RHOC: variants seen among roughly 807,000 people sequenced by gnomAD.
RHOC encodes the protein rho-related GTP-binding protein RhoC.
In RHOC, 13 loss-of-function variants were observed where a neutral mutation model predicts 19.5. The ratio of observed to expected loss-of-function variants is 0.67; its 90% CI spans 0.43 to 1.06. The LOEUF (loss-of-function observed/expected upper bound fraction) is 1.06, where lower values mean the gene tolerates loss of function less well. Ranked by LOEUF, RHOC falls within the 50% of genes least tolerant of loss-of-function variation. RHOC has a pLI of 0.00. For synonymous variants in RHOC, 106 were observed against 97.3 expected (o/e 1.09, Z -0.52); for missense variants, 173 against 256.9 (o/e 0.67, Z 2.23).
At chr1:112,705,217 AAAG>A (rs1214436923) in intron 1 of RHOC, 49 bp from the exon 2 acceptor site, 2 of 701,800 alleles carry the variant, frequency 2.8e-6, no homozygotes, top group Non-Finnish European at 5.2e-6. Flanking sequence ...AGGAGCCCCA[AAAG>A]AAGAGACAAA....
At chr1:112,704,150 C>G (rs1313262036) in intron 2 of RHOC, 2 of 248,996 alleles carry the variant, frequency 8.0e-6, no homozygotes, top group African/African-American at 4.4e-5. Context: ...GTCCAGGGAG[C>G]AAGCTTCTAT....
intron 5 of RHOC, 99 bp from the exon 6 acceptor site, chr1:112,701,812 CT>C: frequency 7.8e-7 from 1 of 1,287,006 alleles, no homozygotes; most frequent in South Asian, 1.3e-5. Flanking sequence ...ATGCCTCCTT[CT>C]CCAGCCCTGA....
chr1:112,703,212 C>T (rs1674717866), intron 3 of RHOC, 93 bp from the exon 4 acceptor site: 4 of 1,459,328 alleles, frequency 2.7e-6, no homozygotes, highest in East Asian at 2.4e-5. Flanking sequence ...GCTCACTGAA[C>T]TTCTTTATTT....
intron 2 of RHOC, 118 bp downstream of exon 2, chr1:112,704,982 T>G: frequency 3.1e-6 from 2 of 645,224 alleles, no homozygotes; most frequent in Non-Finnish European, 5.7e-6. Flanking sequence ...GGGCAAGGAG[T>G]CAGCTTCCCG....
intron 3 of RHOC, 180 bp downstream of exon 3, chr1:112,703,464 G>A (rs1674731393): frequency 1.3e-6 from 1 of 741,686 alleles, no homozygotes; most frequent in Non-Finnish European, 2.4e-6. Context: ...CAGTCTGTGG[G>A]AGAACCAGAA....
At chr1:112,703,945 C>T in intron 2 of RHOC, 139 bp from the exon 3 acceptor site, 1 of 729,410 alleles carries the variant, frequency 1.4e-6, no homozygotes, top group East Asian at 2.7e-5. Flanking sequence ...TCTGGCAAAA[C>T]ACCAATTGTG....
At chr1:112,706,467 CACACACACACACACACACACACACACACA>C (rs1674871871) in intron 1 of RHOC, among the ~76,000 whole-genome samples, 6 of 2,940 alleles carry the variant, frequency 2.0e-3, no homozygotes, top group Middle Eastern at 0.17. Flanking sequence ...ACACACACCA[CACACACACACACACACACACACACACACA>C]CACACACACA....
At chr1:112,703,395 T>C (rs1674728659) in intron 3 of RHOC, 1 of 715,488 alleles carries the variant, frequency 1.4e-6, no homozygotes, top group East Asian at 2.7e-5. Flanking sequence ...ATCATCCCCA[T>C]TTTGCAGGTG....
Position 112,701,582 on chromosome 1 carries a change from C to T in RHOC, c.540G>A (p.Gln180=), listed in dbSNP as rs775128679. ...VFEMATRAGL[Q]VRKNKRRRGC... ...CCCTCCGACGCTTGTTCTTGCGGAC[C>T]TGGAGGCCAGCCCGAGTGGCCATCT... Residue 180 remains glutamine, a synonymous_variant, in exon 6 of 6, where the codon CAG becomes CAA. Coordinates refer to ENST00000339083, the MANE Select transcript of RHOC (RefSeq NM_175744.5). The T allele has an allele frequency of 1.2e-6, 2 of 1,613,968 alleles. No individual in the cohort carries two copies. The highest frequency in any genetic ancestry group is 1.3e-5 in the African/African-American group (1 of 74,886).
chr1:112,706,743 G>C (rs1395097342), intron 1 of RHOC: 2 of 152,118 alleles, frequency 1.3e-5, no homozygotes, highest in Non-Finnish European at 2.9e-5. Flanking sequence ...CTGGGGGCTG[G>C]GGCGTCTGAG....
chr1:112,702,759 C>G (rs545987044), intron 4 of RHOC, 66 bp from the exon 5 acceptor site: 5 of 1,590,068 alleles, frequency 3.1e-6, no homozygotes, highest in Admixed American at 1.7e-5. Flanking sequence ...CCTGGGGGGG[C>G]CCTCATCTTC....
chr1:112,701,445 C>G lies in RHOC; in HGVS notation c.*95G>C. ...GCAGGAGGGAACTGAAAATGGGAGC[C>G]TTCAGCATGGAGCCCTCAGGAGGCT... On this transcript the variant is annotated 3_prime_UTR_variant, in exon 6 of 6. Coordinates refer to ENST00000339083, the MANE Select transcript of RHOC (RefSeq NM_175744.5). 6.2e-7 allele frequency: 1 copy of G among 1,612,170 alleles called. No homozygotes were observed.
chr1:112,705,727 C>T (rs570292043), intron 1 of RHOC: 9 of 453,516 alleles, frequency 2.0e-5, no homozygotes, highest in Admixed American at 9.4e-5. Context: ...CATTAGTTCA[C>T]CTTGCCCTGT....
At chr1:112,704,819 G>A (rs1188235554) in intron 2 of RHOC, 1 of 442,836 alleles carries the variant, frequency 2.3e-6, no homozygotes, top group Non-Finnish European at 4.1e-6. Context: ...CCCGGCAGGG[G>A]ACAATGACCA....
At chr1:112,707,290 G>A (rs1185265278), upstream of RHOC, 3 of 152,012 alleles carry the variant, frequency 2.0e-5, no homozygotes, top group African/African-American at 7.2e-5. Flanking sequence ...GGGGCCAGGG[G>A]CGTCCACCCC....
chr1:112,701,396 G>A lies in RHOC; in HGVS notation c.*144C>T. 10 of 1,560,340 alleles carry A rather than the reference G, an allele frequency of 6.4e-6. No individual in the cohort carries two copies. Among genetic ancestry groups the A allele is most frequent in the Non-Finnish European group, 8.7e-6 (10 of 1,151,946 alleles). ...GGGAGGGCCCGTGCCACCACCTCGG[G>A]GCTAGAAAACAATGCAGTCCTGGGC... is the stretch of plus-strand genomic sequence containing the variant. On this transcript the variant is annotated 3_prime_UTR_variant, in exon 6 of 6. Coordinates refer to ENST00000339083, the MANE Select transcript of RHOC (RefSeq NM_175744.5).
chr1:112,703,843 C>A, intron 2 of RHOC, 37 bp from the exon 3 acceptor site: 1 of 1,579,372 alleles, frequency 6.3e-7, no homozygotes, highest in Non-Finnish European at 8.6e-7. Context: ...TGAGGAAAAG[C>A]CATTAAGTCC....
chr1:112,702,422 C>A (rs1570829273), intron 5 of RHOC, 141 bp downstream of exon 5: 2 of 868,266 alleles, frequency 2.3e-6, no homozygotes, highest in East Asian at 5.1e-5. Flanking sequence ...AGACACAACC[C>A]TATGGGTCCT....
chr1:112,701,592 G>GCCCGAGTGGCCATCTCAAACACCT lies in RHOC; in HGVS notation c.506_529dup (p.Glu169_Arg176dup). On this transcript the variant is annotated inframe_insertion, in exon 6 of 6. Coordinates refer to ENST00000339083, the MANE Select transcript of RHOC (RefSeq NM_175744.5). ...CTTGTTCTTGCGGACCTGGAGGCCAGCCCGAGTGGCCATCTCAAACACCTC... is the reference window on the plus strand; with the variant it reads ...CTTGTTCTTGCGGACCTGGAGGCCAGCCCGAGTGGCCATCTCAAACACCTCCCGAGTGGCCATCTCAAACACCTC... 6.2e-7 allele frequency: 1 copy of GCCCGAGTGGCCATCTCAAACACCT among 1,614,122 alleles called. No individual in the cohort carries two copies. The highest frequency in any genetic ancestry group is 8.5e-7 in the Non-Finnish European group (1 of 1,180,004).
Sources: gnomAD v4.1 joint callset for allele counts (sites outside exome capture counted in the v4.1 genomes callset) on GRCh38, gnomAD v4.1.1 for gene constraint, MANE v1.5 for transcripts, NCBI Gene and HGNC (gene_info 2026-07-23, HGNC 2026-07-21) for gene names.